Variants in SELENOO observed in about 807,000 individuals in gnomAD.
SELENOO encodes protein adenylyltransferase SelO, mitochondrial.
SELENOO carries 74 observed loss-of-function variants against 58.7 expected under a neutral mutation model. The observed-to-expected ratio is 1.26, with a 90% CI of 1.04 to 1.53. SELENOO has a LOEUF of 1.53. Among genes scored for constraint, SELENOO ranks in the 40% most tolerant of loss-of-function variants. The pLI, the probability that SELENOO is intolerant of heterozygous loss-of-function variation, is 0.00. For synonymous variants in SELENOO, 543 were observed against 453.2 expected (o/e 1.20, Z -2.52); for missense variants, 1,149 against 970.0 (o/e 1.18, Z -2.45).
At chr22:50,211,786 C>T (rs1361268472) in intron 5 of SELENOO, among the ~76,000 whole-genome samples, 1 of 152,222 alleles carries the variant, frequency 6.6e-6, no homozygotes, top group African/African-American at 2.4e-5. Context: ...TCACTGCAAC[C>T]TCCACCTCCT....
At position 50,216,852 on chromosome 22, in the gene SELENOO, G is replaced by A. The variant is rs1431705075; in HGVS notation, c.1664G>A (p.Trp555Ter). ...CTGCAGAGCAGGAACCAGGGCCACT[G>A]GGCTGACTGGCTACAGGCGTACAGG... ...AELQSRNQGH[W>*]ADWLQAYRAR... Residue 555 changes from tryptophan to a stop codon, truncating the protein, a stop_gained, in exon 7 of 9, where the codon TGG becomes TAG. Coordinates refer to ENST00000380903, the MANE Select transcript of SELENOO (RefSeq NM_031454.2). LOFTEE classifies it high-confidence loss of function. The A allele has an allele frequency of 3.7e-6, 6 of 1,608,236 alleles. No individual in the cohort carries two copies. The highest frequency in any genetic ancestry group is 2.2e-5 in the East Asian group (1 of 44,880).
Position 50,208,981 on chromosome 22 carries a change from G to A in SELENOO, c.939+265G>A, listed in dbSNP as rs142151439. Among the ~76,000 whole-genome samples the A allele has an allele frequency of 1.8e-3, 275 of 152,288 alleles. 3 individuals are homozygous for A. The East Asian group carries it at 0.04, about 22-fold the overall frequency. On this transcript the variant is annotated intron_variant, in intron 3 of 8. Transcript: ENST00000380903. Reference sequence around the variant, plus strand: ...TGCAGGGCCAGCTTGGGGCGGGGGTGCGGGGTGGGAGCTGGCTTGGGTGGA... The same window carrying A: ...TGCAGGGCCAGCTTGGGGCGGGGGTACGGGGTGGGAGCTGGCTTGGGTGGA...
At chr22:50,211,903 G>A (rs1049268352) in intron 5 of SELENOO, among the ~76,000 whole-genome samples, 10 of 152,246 alleles carry the variant, frequency 6.6e-5, no homozygotes, top group Admixed American at 4.6e-4. Context: ...GGGTTTCGCC[G>A]TGTTGGTCAG....
chr22:50,203,698 T>A (rs2064315809), intron 1 of SELENOO, among the ~76,000 whole-genome samples: 2 of 152,216 alleles, frequency 1.3e-5, no homozygotes, highest in Non-Finnish European at 2.9e-5. Context: ...AACTACACCA[T>A]GAACGAAGTT....
At chr22:50,211,805 G>GTGAT in intron 5 of SELENOO, among the ~76,000 whole-genome samples, 2 of 152,332 alleles carry the variant, frequency 1.3e-5, no homozygotes, top group Middle Eastern at 6.8e-3. Context: ...CTGGGTTCAA[G>GTGAT]TGATTCTCCT....
rs1030128313 is a variant in SELENOO, at chr22:50,217,509, G to C, written c.*140G>C. 12 of 1,167,604 alleles carry C rather than the reference G, an allele frequency of 1.0e-5. 1 individual carries two copies. Among genetic ancestry groups the C allele is most frequent in the Middle Eastern group, 3.9e-4 (2 of 5,138 alleles). 72.3% of individuals were successfully genotyped at this position (1,167,604 alleles called of 1,614,324 possible). The stretch of plus-strand genomic sequence containing the variant: ...ACACCCGTCTTTCCATGATGGCAGA[G>C]ACATCCAGTCAGGACCTGACCCGTC... On this transcript the variant is annotated 3_prime_UTR_variant, in exon 9 of 9. Coordinates refer to ENST00000380903, the MANE Select transcript of SELENOO (RefSeq NM_031454.2).
Position 50,210,223 on chromosome 22 carries a change from G to A in SELENOO, c.982G>A (p.Val328Met), listed in dbSNP as rs1046845396. The A allele has an allele frequency of 6.2e-7, 1 of 1,613,290 alleles. No individual in the cohort carries two copies. The highest frequency in any genetic ancestry group is 1.3e-5 in the African/African-American group (1 of 74,940). ...GCGGATGGTGGCCGAGTGGCAGTGT[G>A]TGGGCTTCTGCCACGGCGTGCTCAA... ...TARMVAEWQC[V>M]GFCHGVLNTD... Residue 328 changes from valine to methionine, a missense_variant, in exon 4 of 9, where the codon GTG (valine) becomes ATG (methionine). Physicochemically the swap from Val to Met is conservative, Grantham distance 21. Coordinates refer to ENST00000380903, the MANE Select transcript of SELENOO (RefSeq NM_031454.2).
intron 6 of SELENOO, 94 bp downstream of exon 6, chr22:50,215,961 G>A (rs2064406285): frequency 4.1e-6 from 5 of 1,206,836 alleles, no homozygotes; most frequent in Non-Finnish European, 4.6e-6. Flanking sequence ...GACAGAGCTG[G>A]CTGGGGCCCA....
chr22:50,204,209 C>G (rs1198935030), intron 1 of SELENOO, among the ~76,000 whole-genome samples: 1 of 152,202 alleles, frequency 6.6e-6, no homozygotes, highest in Non-Finnish European at 1.5e-5. Flanking sequence ...TGGTGGGTGC[C>G]TGTAATCCCA....
rs1602496518 is a variant in SELENOO, at chr22:50,215,638, G to T, written c.1352-79G>T. The T allele has an allele frequency of 3.6e-5, 17 of 478,200 alleles. 1 individual carries two copies. The highest frequency in any genetic ancestry group is 7.9e-4 in the Middle Eastern group (1 of 1,270). The allele number at this position is 478,200 out of a possible 1,614,324, so 29.6% of individuals were successfully genotyped here. A position where few individuals can be genotyped will look rare whatever the true frequency, so the allele number is the denominator to read the frequency against. On this transcript the variant is annotated intron_variant, in intron 5 of 8. Coordinates refer to ENST00000380903, the MANE Select transcript of SELENOO (RefSeq NM_031454.2). ...TGCAGCACCTGTGCCAGGGGGGTGG[G>T]GGGGGGGGGGTCTGTGTGGCACCAG...
chr22:50,213,726 C>T (rs1328127898), intron 5 of SELENOO, among the ~76,000 whole-genome samples: 1 of 152,128 alleles, frequency 6.6e-6, no homozygotes, highest in Non-Finnish European at 1.5e-5. Flanking sequence ...CAGCTCACTG[C>T]AAGCTCCACC....
intron 5 of SELENOO, among the ~76,000 whole-genome samples, chr22:50,214,144 C>T (rs568421761): frequency 2.0e-5 from 3 of 151,738 alleles, no homozygotes; most frequent in South Asian, 2.1e-4. Context: ...TCTCTTGTAA[C>T]GACTTTTTGT....
At chr22:50,216,278 G>A (rs2064410266) in intron 6 of SELENOO, among the ~76,000 whole-genome samples, 1 of 152,262 alleles carries the variant, frequency 6.6e-6, no homozygotes, top group Non-Finnish European at 1.5e-5. Context: ...AAGACCAGTG[G>A]GGTTGGCTGG....
At chr22:50,203,329 T>G (rs1278847067) in intron 1 of SELENOO, among the ~76,000 whole-genome samples, 1 of 152,210 alleles carries the variant, frequency 6.6e-6, no homozygotes, top group Non-Finnish European at 1.5e-5. Context: ...TGAGTTGTGA[T>G]TATCCCATTG....
chr22:50,203,558 A>T (rs1000976444), intron 1 of SELENOO, among the ~76,000 whole-genome samples: 2 of 152,238 alleles, frequency 1.3e-5, no homozygotes, highest in Admixed American at 6.5e-5. Context: ...AGAGCCTAGA[A>T]ATAAACCTTC....
intron 2 of SELENOO, among the ~76,000 whole-genome samples, chr22:50,207,072 GTC>G (rs2064337886): frequency 6.6e-6 from 1 of 152,178 alleles, no homozygotes; most frequent in African/African-American, 2.4e-5. Context: ...TTGCTCGTTG[GTC>G]TGGAGTCCTA....
chr22:50,216,955 C>A lies in SELENOO; in HGVS notation c.1689-17C>A. Reference sequence around the variant, plus strand: ...GTCCAGCCCGGCTGTGACTCCAGAGCCCGGATGTCATTCCAGAGCCCGGCT... The same window carrying A: ...GTCCAGCCCGGCTGTGACTCCAGAGACCGGATGTCATTCCAGAGCCCGGCT... On this transcript the variant is annotated splice_polypyrimidine_tract_variant and intron_variant, in intron 7 of 8. Transcript: ENST00000380903. The A allele has an allele frequency of 6.2e-7, 1 of 1,606,472 alleles. No homozygotes were observed. Among genetic ancestry groups the A allele is most frequent in the Non-Finnish European group, 8.5e-7 (1 of 1,177,376 alleles).
At chr22:50,203,788 G>T (rs959236410) in intron 1 of SELENOO, among the ~76,000 whole-genome samples, 1 of 152,192 alleles carries the variant, frequency 6.6e-6, no homozygotes, top group African/African-American at 2.4e-5. Context: ...ATTGGATTTG[G>T]CAGCGTTCTT....
Position 50,217,588 on chromosome 22 carries a change from G to C in SELENOO, c.*219G>C, listed in dbSNP as rs951059488. ...CCTGGTCCCTGGGGGCTGGACCCAGGCTCCTAAATAAACCAGCAACTCCCT... is the reference window on the plus strand; with the variant it reads ...CCTGGTCCCTGGGGGCTGGACCCAGCCTCCTAAATAAACCAGCAACTCCCT... On this transcript the variant is annotated 3_prime_UTR_variant, in exon 9 of 9. Transcript: ENST00000380903. 13 of 973,504 alleles carry C rather than the reference G, an allele frequency of 1.3e-5. No individual in the cohort carries two copies. The African/African-American group carries it at 2.2e-4, about 16-fold the overall frequency. The allele number at this position is 973,504 out of a possible 1,614,324, so 60.3% of individuals were successfully genotyped here.
Sources: gnomAD v4.1 joint callset for allele counts (sites outside exome capture counted in the v4.1 genomes callset) on GRCh38, gnomAD v4.1.1 for gene constraint, MANE v1.5 for transcripts, NCBI Gene and HGNC (gene_info 2026-07-23, HGNC 2026-07-21) for gene names.